MYOM2: variants seen among roughly 807,000 people sequenced by gnomAD.
MYOM2 encodes the protein myomesin-2.
Under a neutral mutation model 187.6 loss-of-function variants are expected in MYOM2, and 254 were observed. The observed-to-expected ratio is 1.35, with a 90% CI of 1.22 to 1.50. The LOEUF is 1.50. MYOM2 is among the 40% of genes most tolerant of loss of function. MYOM2 has a pLI of 0.00. For synonymous variants in MYOM2, 981 were observed against 753.8 expected, an observed-to-expected ratio of 1.30 and a Z score of -4.94; for missense variants, 2,796 against 1,924.0, an observed-to-expected ratio of 1.45 and a Z score of -8.48.
intron 23 of MYOM2, among the ~76,000 whole-genome samples, 156 bp from the exon 24 acceptor site, chr8:2,108,630 C>T (rs17064723): frequency 0.042 from 6,377 of 152,276 alleles, 165 homozygotes; most frequent in Admixed American, 0.084. Flanking sequence ...TTAAAGCTAT[C>T]CTCTATGTCC....
Position 2,135,525 on chromosome 8 carries a change from C to A in MYOM2, c.3801-5198C>A, listed in dbSNP as rs76659814. 2.0e-5 allele frequency among the ~76,000 whole-genome samples: 3 copies of A among 152,286 alleles called. 1 individual carries two copies. In the South Asian group the frequency reaches 6.2e-4, roughly 32 times the overall value. On this transcript the variant is annotated intron_variant, in intron 32 of 36. Transcript: ENST00000262113. ...TCCTCCCTGCTCACCTGCCCCCGCCCCTTACCTGTCTCCTTCCTACCTACC... is the reference window on the plus strand; with the variant it reads ...TCCTCCCTGCTCACCTGCCCCCGCCACTTACCTGTCTCCTTCCTACCTACC...
At chr8:2,063,498 T>A (rs1818915984) in intron 6 of MYOM2, among the ~76,000 whole-genome samples, 2 of 152,268 alleles carry the variant, frequency 1.3e-5, no homozygotes, top group Admixed American at 1.3e-4. Context: ...CTTCAAAGAA[T>A]ATGATGTTCT....
At chr8:2,060,603 T>G (rs917195799) in intron 6 of MYOM2, among the ~76,000 whole-genome samples, 1 of 152,198 alleles carries the variant, frequency 6.6e-6, no homozygotes, top group South Asian at 2.1e-4. Context: ...GCATCATTGT[T>G]AGGCCTCTGT....
In MYOM2 at chr8:2,123,638, C is replaced by A; in HGVS notation, c.3651C>A (p.Gly1217=). 3 of 1,613,856 alleles carry A rather than the reference C, an allele frequency of 1.9e-6. No individual in the cohort carries two copies. Among genetic ancestry groups the A allele is most frequent in the Admixed American group, 3.3e-5 (2 of 60,010 alleles). Residue 1217 remains glycine (G), a synonymous_variant, in exon 30 of 37, where the codon GGC becomes GGA. Coordinates refer to ENST00000262113, the MANE Select transcript of MYOM2 (RefSeq NM_003970.4). ...ATGTGTCCATCCTTGAAATAGCTGG[C>A]AAAGGTAAAAGAAAACCTCCTTTGT... ...GQDVSILEIA[G]KVYDDMILAM...
chr8:2,090,278 A>G, intron 15 of MYOM2, 87 bp downstream of exon 15: 1 of 1,300,522 alleles, frequency 7.7e-7, no homozygotes, highest in Non-Finnish European at 1.0e-6. Flanking sequence ...GAATAAAGAC[A>G]TTAATGTTAT....
Position 2,070,869 on chromosome 8 carries a change from T to G in MYOM2, c.793+1372T>G, listed in dbSNP as rs575356920. Among the ~76,000 whole-genome samples the G allele has an allele frequency of 7.6e-4, 116 of 152,314 alleles. 1 individual carries two copies. The highest frequency in any genetic ancestry group is 2.6e-3 in the African/African-American group (109 of 41,578). On this transcript the variant is annotated intron_variant, in intron 8 of 36. Coordinates refer to ENST00000262113, the MANE Select transcript of MYOM2 (RefSeq NM_003970.4). ...GTAGCTTCAATTATTTTCCAAGAAC[T>G]GAAACAATGACAGAGATGATGGAAG...
intron 13 of MYOM2, among the ~76,000 whole-genome samples, chr8:2,083,869 T>C (rs568323771): frequency 3.3e-5 from 5 of 152,294 alleles, no homozygotes; most frequent in African/African-American, 1.2e-4. Context: ...TCTCACCTTG[T>C]CATCAAAGGA....
At chr8:2,121,408 C>T (rs1585942698) in intron 28 of MYOM2, among the ~76,000 whole-genome samples, 2 of 152,024 alleles carry the variant, frequency 1.3e-5, no homozygotes, top group Admixed American at 6.6e-5. Context: ...GGGATAGAAC[C>T]GTCTATAAAT....
intron 34 of MYOM2, among the ~76,000 whole-genome samples, chr8:2,141,698 G>C (rs892422037): frequency 3.3e-5 from 5 of 152,182 alleles, no homozygotes; most frequent in Non-Finnish European, 1.5e-5. Flanking sequence ...GCCAGGGTTG[G>C]TATGTTTCTG....
chr8:2,126,589 C>A (rs528874214), intron 31 of MYOM2, among the ~76,000 whole-genome samples: 11 of 152,186 alleles, frequency 7.2e-5, no homozygotes, highest in Admixed American at 3.9e-4. Flanking sequence ...TGCATACAGA[C>A]TCATACACAG....
chr8:2,118,369 A>G (rs893536997), intron 28 of MYOM2, among the ~76,000 whole-genome samples: 1 of 152,254 alleles, frequency 6.6e-6, no homozygotes, highest in African/African-American at 2.4e-5. Flanking sequence ...AATATGTTTT[A>G]TTACTAAATA....
chr8:2,115,081 GTATTAA>G (rs1231535563), intron 25 of MYOM2, among the ~76,000 whole-genome samples: 1 of 151,216 alleles, frequency 6.6e-6, no homozygotes, highest in African/African-American at 2.4e-5. Flanking sequence ...TGAAATTTAA[GTATTAA>G]TATTAATTTA....
chr8:2,085,516 C>CCCCCCACTGTTGTGATCTCCGCGTGG, intron 14 of MYOM2, 126 bp downstream of exon 14: 1 of 649,118 alleles, frequency 1.5e-6, no homozygotes, highest in African/African-American at 2.8e-5. Context: ...CTCCGCGTGG[C>CCCCCCACTGTTGTGATCTCCGCGTGG]CCCCCACTGT....
intron 27 of MYOM2, among the ~76,000 whole-genome samples, chr8:2,116,739 C>A (rs951129433): frequency 6.6e-6 from 1 of 152,058 alleles, no homozygotes; most frequent in African/African-American, 2.4e-5. Flanking sequence ...CTCAAACATA[C>A]CCCAAGGGTT....
chr8:2,144,516 G>A (rs951031516), intron 36 of MYOM2, 148 bp from the exon 37 acceptor site: 21 of 771,370 alleles, frequency 2.7e-5, no homozygotes, highest in East Asian at 5.2e-5. Flanking sequence ...CCAGAGCGGC[G>A]CTCATGTACA....
At chr8:2,104,368 C>T (rs143944790) in intron 21 of MYOM2, among the ~76,000 whole-genome samples, 2,178 of 152,052 alleles carry the variant, frequency 0.014, 62 homozygotes, top group African/African-American at 0.049. Context: ...TTTGGGAAGC[C>T]GAGGCGGGCG....
intron 13 of MYOM2, 70 bp from the exon 14 acceptor site, chr8:2,085,193 T>C (rs1819768942): frequency 6.4e-7 from 1 of 1,564,906 alleles, no homozygotes. Flanking sequence ...AGTCCTCCAG[T>C]GCCCCGAGGT....
chr8:2,109,171 C>A, intron 24 of MYOM2: 1 of 544,654 alleles, frequency 1.8e-6, no homozygotes, highest in Non-Finnish European at 3.1e-6. Context: ...TTATCGAACA[C>A]ATTTGCAAAG....
At chr8:2,062,105 A>C (rs1254921762) in intron 6 of MYOM2, among the ~76,000 whole-genome samples, 1 of 152,214 alleles carries the variant, frequency 6.6e-6, no homozygotes, top group Non-Finnish European at 1.5e-5. Context: ...GCCCCCTGGC[A>C]CAAAGGCTCT....
Sources: gnomAD v4.1 joint callset for allele counts (sites outside exome capture counted in the v4.1 genomes callset) on GRCh38, gnomAD v4.1.1 for gene constraint, MANE v1.5 for transcripts, NCBI Gene and HGNC (gene_info 2026-07-23, HGNC 2026-07-21) for gene names.